UTS2B: variants seen among roughly 807,000 people sequenced by gnomAD.
UTS2B encodes urotensin-2B.
In UTS2B, 21 loss-of-function variants were observed where a neutral mutation model predicts 19.2. The ratio of observed to expected loss-of-function variants is 1.09; its 90% CI spans 0.78 to 1.58. UTS2B has a LOEUF of 1.58. UTS2B is among the 40% of genes most tolerant of loss of function. The pLI, the probability that UTS2B is intolerant of heterozygous loss-of-function variation, is 0.00. For synonymous variants in UTS2B, 57 were observed against 50.2 expected, an observed-to-expected ratio of 1.14 and a Z score of -0.58; for missense variants, 138 against 130.3, an observed-to-expected ratio of 1.06 and a Z score of -0.29.
chr3:191,321,630 C>A (rs1419255349), intron 2 of UTS2B, among the ~76,000 whole-genome samples: 1 of 152,190 alleles, frequency 6.6e-6, no homozygotes, highest in African/African-American at 2.4e-5. Context: ...GAAATTGGGA[C>A]TCCAACATGT....
At chr3:191,323,897 G>C (rs1039016190) in intron 2 of UTS2B, among the ~76,000 whole-genome samples, 1 of 152,174 alleles carries the variant, frequency 6.6e-6, no homozygotes, top group Non-Finnish European at 1.5e-5. Context: ...AATTGACAAA[G>C]AATGAGTTTT....
intron 4 of UTS2B, among the ~76,000 whole-genome samples, chr3:191,292,280 A>C (rs1716740542): frequency 6.6e-6 from 1 of 152,180 alleles, no homozygotes; most frequent in South Asian, 2.1e-4. Context: ...ATTTCTTTCA[A>C]TGTTGTTTTG....
intron 4 of UTS2B, among the ~76,000 whole-genome samples, chr3:191,295,412 TG>T (rs1250847408): frequency 6.6e-6 from 1 of 152,046 alleles, no homozygotes; most frequent in Admixed American, 6.5e-5. Flanking sequence ...CCTACTTTCC[TG>T]GTTATACTTT....
chr3:191,336,096 T>C, the UTS2B span, among the ~76,000 whole-genome samples: 1 of 151,914 alleles, frequency 6.6e-6, no homozygotes, highest in African/African-American at 2.4e-5. Context: ...TTTTGGTGGG[T>C]GACAGTAAAG....
intron 5 of UTS2B, among the ~76,000 whole-genome samples, chr3:191,281,471 G>T (rs1212268509): frequency 1.3e-5 from 2 of 151,550 alleles, no homozygotes; most frequent in African/African-American, 4.8e-5. Flanking sequence ...AATATTATAA[G>T]AGCAGAAACT....
intron 2 of UTS2B, among the ~76,000 whole-genome samples, chr3:191,321,898 G>A (rs1362854622): frequency 2.0e-5 from 3 of 152,090 alleles, no homozygotes; most frequent in African/African-American, 7.2e-5. Context: ...GTGGTGGCGG[G>A]TGCCTGTAAT....
At chr3:191,288,230 T>C (rs1716610287) in intron 4 of UTS2B, among the ~76,000 whole-genome samples, 3 of 152,138 alleles carry the variant, frequency 2.0e-5, no homozygotes, top group South Asian at 4.1e-4. Flanking sequence ...CCGCAATCTC[T>C]TTTAAAATTC....
chr3:191,320,292 C>G (rs963325653), intron 2 of UTS2B, among the ~76,000 whole-genome samples: 1 of 152,116 alleles, frequency 6.6e-6, no homozygotes, highest in African/African-American at 2.4e-5. Context: ...CAGGGTCTTT[C>G]TAGGAAGAGG....
At chr3:191,339,692 C>T in the UTS2B span, among the ~76,000 whole-genome samples, 1 of 152,080 alleles carries the variant, frequency 6.6e-6, no homozygotes, top group Non-Finnish European at 1.5e-5. Context: ...ATCATCTGGC[C>T]CCAGGAAAAC....
At chr3:191,317,259 C>T (rs560593480) in intron 2 of UTS2B, among the ~76,000 whole-genome samples, 1 of 152,230 alleles carries the variant, frequency 6.6e-6, no homozygotes, top group African/African-American at 2.4e-5. Context: ...CCCCTCACTG[C>T]CTGGGGCCGG....
chr3:191,325,248 A>T (rs1297540906), intron 2 of UTS2B, among the ~76,000 whole-genome samples: 1 of 152,216 alleles, frequency 6.6e-6, no homozygotes, highest in African/African-American at 2.4e-5. Flanking sequence ...GGTATGTAGT[A>T]GGTGACAGAA....
chr3:191,289,869 T>C (rs1716666120), intron 4 of UTS2B, among the ~76,000 whole-genome samples: 1 of 152,184 alleles, frequency 6.6e-6, no homozygotes, highest in Non-Finnish European at 1.5e-5. Flanking sequence ...GTTTCAGAAA[T>C]CTGTACAGCC....
At chr3:191,272,632 G>A (rs540509160) in intron 8 of UTS2B, among the ~76,000 whole-genome samples, 121 of 151,654 alleles carry the variant, frequency 8.0e-4, no homozygotes, top group East Asian at 1.4e-3. Context: ...AGGCAGAAGC[G>A]GGTGGATCAC....
intron 4 of UTS2B, chr3:191,294,581 T>A (rs1716807847): frequency 6.6e-6 from 1 of 151,996 alleles, no homozygotes; most frequent in African/African-American, 2.4e-5. Context: ...TCCAGGGTGA[T>A]GGTAGTTCTA....
chr3:191,284,345 G>A (rs1032281212), intron 4 of UTS2B, among the ~76,000 whole-genome samples: 1 of 151,618 alleles, frequency 6.6e-6, no homozygotes, highest in Non-Finnish European at 1.5e-5. Flanking sequence ...TTTTTAAGAA[G>A]GAGTCTCTCT....
intron 3 of UTS2B, among the ~76,000 whole-genome samples, chr3:191,315,404 A>T (rs1299772425): frequency 1.3e-5 from 2 of 152,136 alleles, no homozygotes. Flanking sequence ...ACAACTTGGG[A>T]CCTGTGGTTG....
At chr3:191,331,434 A>AT (rs1246873017), upstream of UTS2B, among the ~76,000 whole-genome samples, 1 of 152,132 alleles carries the variant, frequency 6.6e-6, no homozygotes, top group African/African-American at 2.4e-5. Context: ...AAAATGCAAG[A>AT]TTTTTCCATT....
chr3:191,285,537 T>C (rs1378773170), intron 4 of UTS2B, among the ~76,000 whole-genome samples: 2 of 152,136 alleles, frequency 1.3e-5, no homozygotes, highest in East Asian at 1.9e-4. Context: ...TCAAAAGACA[T>C]AGATGAATAA....
intron 4 of UTS2B, among the ~76,000 whole-genome samples, chr3:191,286,545 G>A (rs1038492622): frequency 8.6e-5 from 13 of 151,942 alleles, no homozygotes; most frequent in African/African-American, 3.1e-4. Flanking sequence ...AATTAAAAGG[G>A]AAATATAAGA....
Sources: gnomAD v4.1 joint callset for allele counts (sites outside exome capture counted in the v4.1 genomes callset) on GRCh38, gnomAD v4.1.1 for gene constraint, MANE v1.5 for transcripts, NCBI Gene and HGNC (gene_info 2026-07-23, HGNC 2026-07-21) for gene names.